GALNT13: variants seen among roughly 807,000 people sequenced by gnomAD.
GALNT13 encodes polypeptide N-acetylgalactosaminyltransferase 13, also known as UDP-GalNAc:polypeptide N-acetylgalactosaminyltransferase 13.
GALNT13 carries 28 observed loss-of-function variants against 64.2 expected under a neutral mutation model. That is an observed-to-expected ratio of 0.44 (90% confidence interval 0.32 to 0.60). The LOEUF (loss-of-function observed/expected upper bound fraction) is 0.60. GALNT13 is among the 20% of genes least tolerant of loss of function. The pLI, the probability that GALNT13 is intolerant of heterozygous loss-of-function variation, is 0.05. For missense variants in GALNT13, 577 were observed against 669.8 expected, an observed-to-expected ratio of 0.86 and a Z score of 1.53; for synonymous variants, 214 against 224.6, an observed-to-expected ratio of 0.95 and a Z score of 0.42.
chr2:153,271,930 T>C, the GALNT13 span, among the ~76,000 whole-genome samples: 1 of 152,030 alleles, frequency 6.6e-6, no homozygotes, highest in Non-Finnish European at 1.5e-5. Context: ...CATAGACCAA[T>C]GGAACAGAAC....
intron 1 of GALNT13, among the ~76,000 whole-genome samples, chr2:153,881,208 ATT>A (rs1225690295): frequency 3.3e-5 from 5 of 152,196 alleles, no homozygotes; most frequent in Non-Finnish European, 7.3e-5. Flanking sequence ...GGGGATGCCA[ATT>A]TCACTTGCCA....
At chr2:154,268,965 AT>A (rs1691173953) in intron 8 of GALNT13, among the ~76,000 whole-genome samples, 1 of 152,014 alleles carries the variant, frequency 6.6e-6, no homozygotes, top group Non-Finnish European at 1.5e-5. Flanking sequence ...AAGTACCCCA[AT>A]TTTCTTTTGC....
chr2:153,099,958 A>G, the GALNT13 span, among the ~76,000 whole-genome samples: 1 of 152,238 alleles, frequency 6.6e-6, no homozygotes, highest in Non-Finnish European at 1.5e-5. Context: ...AAGTTGAGGA[A>G]ACACGTTTTT....
chr2:154,388,850 G>A (rs1428211708), intron 9 of GALNT13, among the ~76,000 whole-genome samples: 1 of 152,000 alleles, frequency 6.6e-6, no homozygotes, highest in African/African-American at 2.4e-5. Flanking sequence ...GTATATACTG[G>A]TCTACTCCTG....
At chr2:154,206,919 T>G (rs1687491862) in intron 4 of GALNT13, among the ~76,000 whole-genome samples, 1 of 152,110 alleles carries the variant, frequency 6.6e-6, no homozygotes, top group Admixed American at 6.6e-5. Context: ...TTTATCAAAT[T>G]TGATCATCTT....
chr2:154,367,678 C>T (rs1697447199), intron 9 of GALNT13, among the ~76,000 whole-genome samples: 1 of 151,990 alleles, frequency 6.6e-6, no homozygotes, highest in Admixed American at 6.6e-5. Flanking sequence ...TTTGGCAGAG[C>T]CTGACTATAA....
chr2:153,611,907 C>T, the GALNT13 span, among the ~76,000 whole-genome samples: 2 of 150,610 alleles, frequency 1.3e-5, no homozygotes, highest in African/African-American at 4.9e-5. Context: ...CTCCCTGTGT[C>T]CATGTGTTCT....
intron 4 of GALNT13, among the ~76,000 whole-genome samples, chr2:154,227,057 A>T (rs536088850): frequency 6.6e-6 from 1 of 152,232 alleles, no homozygotes; most frequent in South Asian, 2.1e-4. Context: ...TCATCTAAAG[A>T]TGCAACTGTT....
At chr2:154,283,134 G>A (rs112396730) in intron 8 of GALNT13, among the ~76,000 whole-genome samples, 1 of 152,090 alleles carries the variant, frequency 6.6e-6, no homozygotes, top group Admixed American at 6.5e-5. Context: ...TTTAGACTTT[G>A]TTTCAATTCT....
the GALNT13 span, chr2:153,478,702 T>C: frequency 1.4e-6 from 1 of 725,300 alleles, no homozygotes; most frequent in South Asian, 2.0e-5. Flanking sequence ...CTTTCGAAAG[T>C]CCCTGGGCCG....
intron 11 of GALNT13, among the ~76,000 whole-genome samples, chr2:154,432,859 A>G (rs1381481646): frequency 6.6e-6 from 1 of 152,192 alleles, no homozygotes; most frequent in African/African-American, 2.4e-5. Context: ...GTACTTCAAT[A>G]TATCATCTGG....
chr2:154,406,418 T>C (rs1699543861), intron 10 of GALNT13, among the ~76,000 whole-genome samples: 1 of 152,140 alleles, frequency 6.6e-6, no homozygotes, highest in African/African-American at 2.4e-5. Flanking sequence ...CATGATTCCT[T>C]ACATTACTTA....
intron 3 of GALNT13, among the ~76,000 whole-genome samples, chr2:154,102,788 A>G (rs978341185): frequency 1.3e-5 from 2 of 152,120 alleles, no homozygotes; most frequent in African/African-American, 4.8e-5. Flanking sequence ...GTTTCGTAAT[A>G]TTTGTTTTAT....
the GALNT13 span, among the ~76,000 whole-genome samples, chr2:153,498,350 G>A: frequency 3.9e-5 from 6 of 152,242 alleles, no homozygotes; most frequent in Non-Finnish European, 8.8e-5. Context: ...TGCCCACTGG[G>A]CTTGTTCCGC....
At chr2:153,462,624 CAA>C in the GALNT13 span, among the ~76,000 whole-genome samples, 2 of 152,066 alleles carry the variant, frequency 1.3e-5, no homozygotes, top group African/African-American at 2.4e-5. Flanking sequence ...TGTCAGGAAC[CAA>C]AGTCATTTCA....
At chr2:153,491,660 G>T in the GALNT13 span, among the ~76,000 whole-genome samples, 2 of 151,166 alleles carry the variant, frequency 1.3e-5, no homozygotes, top group African/African-American at 4.9e-5. Flanking sequence ...TCGCTCTATT[G>T]CCCAGGCTAG....
At chr2:153,437,016 G>A in the GALNT13 span, among the ~76,000 whole-genome samples, 7 of 152,004 alleles carry the variant, frequency 4.6e-5, no homozygotes, top group African/African-American at 1.7e-4. Context: ...AGAGATTCTG[G>A]TATGTTGTGT....
intron 4 of GALNT13, among the ~76,000 whole-genome samples, chr2:154,217,533 A>G (rs1688110303): frequency 6.6e-6 from 1 of 152,128 alleles, no homozygotes; most frequent in South Asian, 2.1e-4. Flanking sequence ...ATGATGTTAT[A>G]TACATCTTCT....
the GALNT13 span, among the ~76,000 whole-genome samples, chr2:153,683,835 C>G: frequency 1.3e-5 from 2 of 151,824 alleles, no homozygotes; most frequent in African/African-American, 4.8e-5. Context: ...CTAGCTTCAA[C>G]AGTAAATGCT....
Sources: allele counts gnomAD v4.1 joint callset (sites outside exome capture counted in the v4.1 genomes callset), GRCh38; gene constraint gnomAD v4.1.1; transcripts MANE v1.5; gene names NCBI Gene and HGNC (gene_info 2026-07-23, HGNC 2026-07-21).